Variants in RIGI observed in about 807,000 individuals in gnomAD.
RIGI encodes RNA sensor RIG-I.
chr9:32,503,192 G>C, the RIGI span, among the ~76,000 whole-genome samples: 49 of 152,010 alleles, frequency 3.2e-4, no homozygotes, highest in African/African-American at 1.2e-3. Flanking sequence ...CATGCTAACA[G>C]CCATTACAGA....
At chr9:32,519,391 T>A in the RIGI span, among the ~76,000 whole-genome samples, 1 of 152,164 alleles carries the variant, frequency 6.6e-6, no homozygotes, top group African/African-American at 2.4e-5. Flanking sequence ...TTTTCAAGCT[T>A]CCAAAAATTG....
the RIGI span, among the ~76,000 whole-genome samples, chr9:32,464,327 A>G: frequency 6.6e-6 from 1 of 152,262 alleles, no homozygotes; most frequent in African/African-American, 2.4e-5. Context: ...CCCTAGAACC[A>G]TAATTCCCTT....
the RIGI span, among the ~76,000 whole-genome samples, chr9:32,490,376 A>C: frequency 1.3e-5 from 2 of 152,146 alleles, no homozygotes; most frequent in East Asian, 3.8e-4. Flanking sequence ...GTCTCAAAAA[A>C]CAATAACAAC....
chr9:32,503,239 G>A, the RIGI span, among the ~76,000 whole-genome samples: 5 of 152,208 alleles, frequency 3.3e-5, no homozygotes, highest in Non-Finnish European at 5.9e-5. Context: ...CCCAGCCACA[G>A]CTACCGCCTT....
At chr9:32,465,053 T>G in the RIGI span, among the ~76,000 whole-genome samples, 2 of 152,190 alleles carry the variant, frequency 1.3e-5, no homozygotes, top group Non-Finnish European at 2.9e-5. Context: ...GGAGAAGAGA[T>G]AAAAATTATG....
At chr9:32,457,172 C>T in the RIGI span, 1 of 1,613,962 alleles carries the variant, frequency 6.2e-7, no homozygotes, top group Non-Finnish European at 8.5e-7. Context: ...AAATGAAAGT[C>T]CTTCCACTTC....
At chr9:32,490,284 G>A in the RIGI span, among the ~76,000 whole-genome samples, 13 of 152,314 alleles carry the variant, frequency 8.5e-5, no homozygotes, top group East Asian at 2.5e-3. Flanking sequence ...GACTGAGGCA[G>A]GAGAATCACT....
chr9:32,487,413 A>T, the RIGI span: 5 of 1,537,388 alleles, frequency 3.3e-6, no homozygotes, highest in East Asian at 1.1e-4. Context: ...GATGGCTCTG[A>T]ACTAGAGGTA....
the RIGI span, among the ~76,000 whole-genome samples, chr9:32,522,299 C>G: frequency 6.6e-6 from 1 of 152,158 alleles, no homozygotes; most frequent in Non-Finnish European, 1.5e-5. Context: ...AGAGTATACC[C>G]TTTTAAACAG....
At chr9:32,480,267 C>T in the RIGI span, 2 of 1,611,634 alleles carry the variant, frequency 1.2e-6, no homozygotes, top group African/African-American at 1.3e-5. Flanking sequence ...AATCCTGCTG[C>T]TCGGACATTG....
At chr9:32,459,301 A>G in the RIGI span, 2 of 1,532,328 alleles carry the variant, frequency 1.3e-6, no homozygotes, top group East Asian at 2.3e-5. Flanking sequence ...TTTATTATAA[A>G]TATTTCACCA....
At chr9:32,515,057 A>G in the RIGI span, among the ~76,000 whole-genome samples, 1 of 152,212 alleles carries the variant, frequency 6.6e-6, no homozygotes, top group Non-Finnish European at 1.5e-5. Context: ...TTAGAGTTGC[A>G]GAGAAGTCAG....
the RIGI span, among the ~76,000 whole-genome samples, chr9:32,501,266 C>T: frequency 6.6e-6 from 1 of 151,006 alleles, no homozygotes; most frequent in Non-Finnish European, 1.5e-5. Context: ...AACTATCCTC[C>T]TCCCTCAGCC....
chr9:32,510,345 T>C, the RIGI span, among the ~76,000 whole-genome samples: 1 of 152,146 alleles, frequency 6.6e-6, no homozygotes, highest in Non-Finnish European at 1.5e-5. Flanking sequence ...AGAGAAAGGT[T>C]GAGTTACTCA....
chr9:32,476,169 G>A, the RIGI span, among the ~76,000 whole-genome samples: 5 of 152,200 alleles, frequency 3.3e-5, no homozygotes, highest in East Asian at 9.6e-4. Flanking sequence ...GTAAAAAAAG[G>A]AAGAAATGCT....
chr9:32,523,665 G>A, the RIGI span, among the ~76,000 whole-genome samples: 1 of 152,054 alleles, frequency 6.6e-6, no homozygotes, highest in Admixed American at 6.5e-5. Context: ...TGGTATCCTT[G>A]CTTCCAGTTT....
the RIGI span, among the ~76,000 whole-genome samples, chr9:32,458,607 A>G: frequency 1.3e-5 from 2 of 152,196 alleles, no homozygotes; most frequent in Non-Finnish European, 1.5e-5. Flanking sequence ...GTTTTTCATT[A>G]TACTACATAA....
At chr9:32,491,198 C>A in the RIGI span, 2 of 1,363,838 alleles carry the variant, frequency 1.5e-6, no homozygotes, top group Non-Finnish European at 2.0e-6. Context: ...ATTTTCCTTA[C>A]AAAACTTTTC....
the RIGI span, among the ~76,000 whole-genome samples, chr9:32,479,934 C>T: frequency 6.6e-6 from 1 of 151,278 alleles, no homozygotes; most frequent in African/African-American, 2.4e-5. Flanking sequence ...TAAAAAAGAA[C>T]GTTAAACAAA....
Sources: allele counts gnomAD v4.1 joint callset (sites outside exome capture counted in the v4.1 genomes callset), GRCh38; gene constraint gnomAD v4.1.1; transcripts MANE v1.5; gene names NCBI Gene and HGNC (gene_info 2026-07-23, HGNC 2026-07-21).